The following ATP10B variants were observed in gnomAD, a reference collection of about 807,000 sequenced individuals.
ATP10B encodes the protein ATPase phospholipid transporting 10B (putative).
ATP10B carries 122 observed loss-of-function variants against 141.2 expected under a neutral mutation model. That is an observed-to-expected ratio of 0.86 (90% CI 0.75 to 1.00). ATP10B has a LOEUF of 1.00. ATP10B is among the 50% of genes least tolerant of loss of function. The pLI is 0.00. For synonymous variants in ATP10B, 685 were observed against 692.0 expected (o/e 0.99, Z 0.16); for missense variants, 1,876 against 1,825.3 (o/e 1.03, Z -0.51).
the ATP10B span, among the ~76,000 whole-genome samples, chr5:160,887,972 C>T: frequency 6.6e-6 from 1 of 152,174 alleles, no homozygotes; most frequent in Non-Finnish European, 1.5e-5. Context: ...TGGTTCACTG[C>T]AAAAATCCCA....
chr5:160,920,322 A>C, the ATP10B span, among the ~76,000 whole-genome samples: 2 of 152,224 alleles, frequency 1.3e-5, no homozygotes, highest in Non-Finnish European at 2.9e-5. Flanking sequence ...AAAGGGCTTA[A>C]TAGGTACATG....
In ATP10B at chr5:160,816,932, G is replaced by T. The variant is rs532822005; in HGVS notation, c.-575-31129C>A. 6.6e-4 allele frequency among the ~76,000 whole-genome samples: 101 copies of T among 152,146 alleles called. 1 individual carries two copies. The highest frequency in any genetic ancestry group is 7.8e-4 in the Non-Finnish European group (53 of 67,994). On this transcript the variant is annotated intron_variant, in intron 1 of 25. Coordinates refer to ENST00000327245, the MANE Select transcript of ATP10B (RefSeq NM_025153.3). Reference sequence around the variant, plus strand: ...AATTATCTCAATAGATGCACAAAAGGCCTTTGACAAAATTCAACAGCACTT... The same window carrying T: ...AATTATCTCAATAGATGCACAAAAGTCCTTTGACAAAATTCAACAGCACTT...
the ATP10B span, among the ~76,000 whole-genome samples, chr5:160,887,107 G>T: frequency 0.035 from 5,268 of 152,224 alleles, 273 homozygotes; most frequent in African/African-American, 0.12. Context: ...ATTTTCAATT[G>T]CTGTTAAGGC....
At chr5:160,809,119 C>T (rs958344271) in intron 1 of ATP10B, among the ~76,000 whole-genome samples, 3 of 152,092 alleles carry the variant, frequency 2.0e-5, no homozygotes, top group African/African-American at 7.2e-5. Context: ...TTCTCTAATT[C>T]GGGTTAATTT....
chr5:160,774,507 C>A (rs1042364093), intron 2 of ATP10B, among the ~76,000 whole-genome samples: 14 of 152,178 alleles, frequency 9.2e-5, no homozygotes, highest in Admixed American at 4.6e-4. Context: ...GACATCATAT[C>A]TGCAAGCTGT....
intron 2 of ATP10B, among the ~76,000 whole-genome samples, chr5:160,770,741 T>C (rs1055170530): frequency 6.6e-6 from 1 of 152,228 alleles, no homozygotes; most frequent in Admixed American, 6.5e-5. Flanking sequence ...CATGTTTTTA[T>C]GGATGTAAAA....
At chr5:160,630,308 G>A (rs958638636) in intron 13 of ATP10B, among the ~76,000 whole-genome samples, 1 of 152,186 alleles carries the variant, frequency 6.6e-6, no homozygotes, top group Non-Finnish European at 1.5e-5. Flanking sequence ...TCTGGGGTTA[G>A]TGTGTCCCTC....
intron 5 of ATP10B, 38 bp from the exon 6 acceptor site, chr5:160,686,311 GA>G: frequency 2.1e-6 from 3 of 1,427,546 alleles, no homozygotes; most frequent in Non-Finnish European, 2.8e-6. Flanking sequence ...ACACTATGGA[GA>G]AGAAAAATGT....
the ATP10B span, among the ~76,000 whole-genome samples, chr5:160,902,990 C>G: frequency 2.0e-5 from 3 of 152,100 alleles, no homozygotes; most frequent in African/African-American, 7.2e-5. Flanking sequence ...CTGTGGATGC[C>G]AGCACTGGAT....
At chr5:160,653,994 T>A (rs1761272376) in intron 7 of ATP10B, among the ~76,000 whole-genome samples, 1 of 140,858 alleles carries the variant, frequency 7.1e-6, no homozygotes, top group Non-Finnish European at 1.5e-5. Context: ...AAATATATGT[T>A]GTATATACGT....
At chr5:160,763,380 A>G (rs1017667991) in intron 2 of ATP10B, among the ~76,000 whole-genome samples, 2 of 152,170 alleles carry the variant, frequency 1.3e-5, no homozygotes, top group Admixed American at 1.3e-4. Context: ...ACCACAGTGA[A>G]ATAAAATTGA....
chr5:160,624,204 CA>C (rs1362331533), intron 13 of ATP10B, among the ~76,000 whole-genome samples: 3 of 151,970 alleles, frequency 2.0e-5, no homozygotes, highest in Non-Finnish European at 4.4e-5. Context: ...AGTTTAAAAA[CA>C]AAAACAAAAA....
intron 2 of ATP10B, among the ~76,000 whole-genome samples, chr5:160,769,338 C>T (rs1175401886): frequency 6.6e-6 from 1 of 152,150 alleles, no homozygotes; most frequent in Non-Finnish European, 1.5e-5. Context: ...ACATAAGGAA[C>T]AGCACAGGAT....
rs755660484 is a variant in ATP10B, at chr5:160,591,043, G to A, written c.3645+16C>T. 2 of 1,603,060 alleles carry A rather than the reference G, an allele frequency of 1.2e-6. No homozygotes were observed. Among genetic ancestry groups the A allele is most frequent in the Non-Finnish European group, 1.7e-6 (2 of 1,170,722 alleles). On this transcript the variant is annotated intron_variant, in intron 23 of 25. Coordinates refer to ENST00000327245, the MANE Select transcript of ATP10B (RefSeq NM_025153.3). ...CTCTGCAATTTATGTGGTTAGAATG[G>A]GACTACATGACTTACCAGGTAAGGG...
chr5:160,833,743 A>G (rs1177652262), intron 1 of ATP10B, among the ~76,000 whole-genome samples: 2 of 152,170 alleles, frequency 1.3e-5, no homozygotes, highest in Non-Finnish European at 2.9e-5. Flanking sequence ...ATGAAACCTT[A>G]TAAGACAGAA....
intron 13 of ATP10B, among the ~76,000 whole-genome samples, chr5:160,623,888 T>C (rs1581217474): frequency 6.6e-6 from 1 of 152,208 alleles, no homozygotes; most frequent in Non-Finnish European, 1.5e-5. Context: ...GTTTAATCTC[T>C]CTAGAGATAA....
the ATP10B span, among the ~76,000 whole-genome samples, chr5:160,913,395 C>T: frequency 6.6e-6 from 1 of 152,156 alleles, no homozygotes; most frequent in East Asian, 1.9e-4. Flanking sequence ...TTTGTTGGAT[C>T]ATGGAGGCCA....
chr5:160,836,621 T>C (rs1012125517), intron 1 of ATP10B, among the ~76,000 whole-genome samples: 1 of 152,136 alleles, frequency 6.6e-6, no homozygotes, highest in African/African-American at 2.4e-5. Flanking sequence ...TTGCAAACTA[T>C]CTTTGCTTCC....
chr5:160,610,923 C>T (rs1381955930), intron 18 of ATP10B, among the ~76,000 whole-genome samples: 1 of 152,080 alleles, frequency 6.6e-6, no homozygotes, highest in African/African-American at 2.4e-5. Flanking sequence ...CTTTAATACA[C>T]CTAGCAAAGA....
Sources: allele counts gnomAD v4.1 joint callset (sites outside exome capture counted in the v4.1 genomes callset), GRCh38; gene constraint gnomAD v4.1.1; transcripts MANE v1.5; gene names NCBI Gene and HGNC (gene_info 2026-07-23, HGNC 2026-07-21).